Variants in NELL1 observed in about 807,000 individuals in gnomAD.
NELL1 encodes neural EGFL like 1.
A neutral mutation model predicts 107.4 loss-of-function variants in NELL1; 76 were observed. The ratio of observed to expected loss-of-function variants is 0.71; its 90% confidence interval spans 0.59 to 0.86. The LOEUF (loss-of-function observed/expected upper bound fraction) is 0.86. Among genes scored for constraint, NELL1 ranks in the 40% least tolerant of loss-of-function variants. The pLI is 0.00. For missense variants in NELL1, 1,024 were observed against 1,005.5 expected, an observed-to-expected ratio of 1.02 and a Z score of -0.25; for synonymous variants, 353 against 341.2, an observed-to-expected ratio of 1.03 and a Z score of -0.38.
intron 12 of NELL1, among the ~76,000 whole-genome samples, chr11:21,062,850 CAG>C (rs1367850494): frequency 6.6e-6 from 1 of 150,934 alleles, no homozygotes; most frequent in Non-Finnish European, 1.5e-5. Flanking sequence ...ATTTTTTAGA[CAG>C]AGTCTCACTC....
Position 21,351,872 on chromosome 11 carries a change from A to C in NELL1, c.1550-18981A>C, listed in dbSNP as rs556687073. ...TAACATAATGTCATTCTGTAGCACA[A>C]AATCTTCCAATGCTTCTTAATTGCG... On this transcript the variant is annotated intron_variant, in intron 14 of 19. Coordinates refer to ENST00000357134, the MANE Select transcript of NELL1 (RefSeq NM_006157.5). 2.0e-5 allele frequency among the ~76,000 whole-genome samples: 3 copies of C among 152,278 alleles called. No homozygotes were observed. The South Asian group carries it at 6.2e-4, about 32-fold the overall frequency.
At chr11:20,985,116 T>C (rs1056677333) in intron 12 of NELL1, among the ~76,000 whole-genome samples, 3 of 152,218 alleles carry the variant, frequency 2.0e-5, no homozygotes, top group Admixed American at 6.5e-5. Flanking sequence ...TGTTGTTAGA[T>C]ATATCTCGCC....
chr11:20,756,563 A>G (rs536892723), intron 2 of NELL1, among the ~76,000 whole-genome samples: 58 of 127,856 alleles, frequency 4.5e-4, no homozygotes, highest in East Asian at 3.0e-3. Context: ...GGGTTTCACC[A>G]TGCTAGCCAG....
At chr11:21,423,820 GA>G (rs1373393729) in intron 15 of NELL1, among the ~76,000 whole-genome samples, 1 of 152,116 alleles carries the variant, frequency 6.6e-6, no homozygotes, top group Non-Finnish European at 1.5e-5. Flanking sequence ...ATACCAGAAG[GA>G]AAACTGGAAA....
chr11:20,957,631 C>T (rs1207127777), intron 11 of NELL1, among the ~76,000 whole-genome samples: 1 of 151,832 alleles, frequency 6.6e-6, no homozygotes, highest in Non-Finnish European at 1.5e-5. Context: ...TTATATGTAA[C>T]ATGTTTAAAG....
intron 12 of NELL1, among the ~76,000 whole-genome samples, chr11:21,040,638 T>G (rs1168940728): frequency 1.3e-5 from 2 of 152,202 alleles, no homozygotes; most frequent in African/African-American, 4.8e-5. Flanking sequence ...ATCAGTATCA[T>G]TAGCCAGTCT....
chr11:21,163,904 G>A (rs111290548), intron 13 of NELL1, among the ~76,000 whole-genome samples: 295 of 152,080 alleles, frequency 1.9e-3, no homozygotes, highest in African/African-American at 6.6e-3. Flanking sequence ...GAATTTTGAG[G>A]GGGGTGGGTA....
intron 16 of NELL1, among the ~76,000 whole-genome samples, chr11:21,556,488 G>A (rs1336238106): frequency 8.6e-5 from 13 of 151,926 alleles, no homozygotes; most frequent in Non-Finnish European, 1.6e-4. Flanking sequence ...TTTCTGCAGA[G>A]CCATTTGGCT....
At chr11:20,757,665 G>A (rs973566636) in intron 2 of NELL1, among the ~76,000 whole-genome samples, 1 of 151,936 alleles carries the variant, frequency 6.6e-6, no homozygotes, top group Non-Finnish European at 1.5e-5. Context: ...GAATTCCACC[G>A]TCATCACCTC....
chr11:21,133,206 C>G (rs941475037), intron 13 of NELL1, among the ~76,000 whole-genome samples: 5 of 152,296 alleles, frequency 3.3e-5, no homozygotes, highest in Non-Finnish European at 7.3e-5. Flanking sequence ...CTCCTTCCCA[C>G]AGCTAGTAGT....
chr11:21,089,527 C>G (rs1854474566), intron 12 of NELL1, among the ~76,000 whole-genome samples: 1 of 152,144 alleles, frequency 6.6e-6, no homozygotes, highest in Admixed American at 6.5e-5. Context: ...ATTTGTACGG[C>G]TAACTATATA....
intron 14 of NELL1, among the ~76,000 whole-genome samples, chr11:21,317,764 G>A (rs1849911634): frequency 6.6e-6 from 1 of 152,080 alleles, no homozygotes; most frequent in Non-Finnish European, 1.5e-5. Context: ...TTTGTGATTT[G>A]TGTGACTGTA....
At chr11:20,816,543 T>C (rs1249980818) in intron 3 of NELL1, among the ~76,000 whole-genome samples, 1 of 152,188 alleles carries the variant, frequency 6.6e-6, no homozygotes, top group Non-Finnish European at 1.5e-5. Context: ...AGGAGTCTTT[T>C]AGTGGAGTCT....
chr11:21,538,047 TA>T (rs1856182840), intron 16 of NELL1, among the ~76,000 whole-genome samples: 3 of 152,272 alleles, frequency 2.0e-5, no homozygotes, highest in Admixed American at 6.5e-5. Flanking sequence ...CACATCTGAA[TA>T]AACCCTAAAT....
At chr11:20,789,779 G>A (rs1590296560) in intron 3 of NELL1, among the ~76,000 whole-genome samples, 1 of 152,198 alleles carries the variant, frequency 6.6e-6, no homozygotes, top group Non-Finnish European at 1.5e-5. Flanking sequence ...CAGGTGTTCA[G>A]CTCCTAATAG....
chr11:20,679,867 G>T (rs1854147688), intron 2 of NELL1, among the ~76,000 whole-genome samples: 1 of 152,130 alleles, frequency 6.6e-6, no homozygotes, highest in East Asian at 1.9e-4. Context: ...AATTTCTTTT[G>T]TACTATGTAC....
intron 14 of NELL1, among the ~76,000 whole-genome samples, chr11:21,267,034 T>C (rs1848649368): frequency 1.3e-5 from 2 of 152,026 alleles, no homozygotes. Flanking sequence ...TTAAGAGTTA[T>C]AACAATTTTG....
intron 14 of NELL1, among the ~76,000 whole-genome samples, chr11:21,358,719 T>G (rs909273123): frequency 6.7e-5 from 10 of 148,908 alleles, no homozygotes; most frequent in Non-Finnish European, 1.5e-4. Flanking sequence ...GCCCGGCCTT[T>G]TTGTTGTTGT....
chr11:20,720,170 A>G (rs1715266), intron 2 of NELL1, among the ~76,000 whole-genome samples: 18,664 of 140,802 alleles, frequency 0.13, 2,769 homozygotes, highest in African/African-American at 0.37. Flanking sequence ...ATTTCCTTTC[A>G]TTTTCATTTA....
Sources: allele counts gnomAD v4.1 joint callset (sites outside exome capture counted in the v4.1 genomes callset), GRCh38; gene constraint gnomAD v4.1.1; transcripts MANE v1.5; gene names NCBI Gene and HGNC (gene_info 2026-07-23, HGNC 2026-07-21).